SARDH: variants seen among roughly 807,000 people sequenced by gnomAD.
SARDH encodes the protein sarcosine dehydrogenase, mitochondrial.
Under a neutral mutation model 109.1 loss-of-function variants are expected in SARDH, and 95 were observed. The observed-to-expected ratio is 0.87, with a 90% confidence interval of 0.74 to 1.03. SARDH has a LOEUF of 1.03. SARDH is among the 50% of genes least tolerant of loss of function. The probability of loss-of-function intolerance (pLI) is 0.00; values close to 1 mark genes in which losing one functional copy is unlikely to be tolerated. For missense variants in SARDH, 1,267 were observed against 1,287.8 expected, an observed-to-expected ratio of 0.98 and a Z score of 0.25; for synonymous variants, 572 against 534.8, an observed-to-expected ratio of 1.07 and a Z score of -0.96.
In SARDH at chr9:133,671,600, G is replaced by A. The variant is rs766900566; in HGVS notation, c.2261C>T (p.Ala754Val). The change falls in exon 18 of 21, where the codon GCG becomes GTG. Residue 754 changes from alanine (A) to valine (V), a missense_variant. Coordinates refer to ENST00000439388, the MANE Select transcript of SARDH (RefSeq NM_001134707.2). ...CVPVYRAVMAAGAKHGLINAG... is the reference protein window; with the variant it reads ...CVPVYRAVMAVGAKHGLINAG... ...GTTGATGAGGCCGTGCTTGGCACCC[G>A]CGGCCATCACAGCCCGGTACACAGG... is the stretch of plus-strand genomic sequence containing the variant. 19 of 1,604,938 alleles carry A rather than the reference G, an allele frequency of 1.2e-5. No homozygotes were observed. Among genetic ancestry groups the A allele is most frequent in the South Asian group, 1.1e-4 (10 of 89,418 alleles).
At chr9:133,738,948 A>G (rs1050484826), upstream of SARDH, among the ~76,000 whole-genome samples, 8 of 152,216 alleles carry the variant, frequency 5.3e-5, no homozygotes, top group African/African-American at 1.9e-4. Context: ...TGGCTACTGC[A>G]CAGCACGTAG....
intron 17 of SARDH, among the ~76,000 whole-genome samples, chr9:133,676,896 T>C (rs1830531199): frequency 6.6e-6 from 1 of 152,148 alleles, no homozygotes; most frequent in Non-Finnish European, 1.5e-5. Flanking sequence ...CCCAGCACTT[T>C]GGGAGGCCGA....
chr9:133,664,021 G>C lies in SARDH; in HGVS notation c.2632-7C>G. On this transcript the variant is annotated splice_region_variant and splice_polypyrimidine_tract_variant and intron_variant, in intron 20 of 20. Coordinates refer to ENST00000439388, the MANE Select transcript of SARDH (RefSeq NM_001134707.2). ...TCACAAAGTCCAGCGAGACCTAGGAGCAGAGGTGGGGATGAGGATCACTCT... is the reference window on the plus strand; with the variant it reads ...TCACAAAGTCCAGCGAGACCTAGGACCAGAGGTGGGGATGAGGATCACTCT... The C allele has an allele frequency of 6.2e-7, 1 of 1,613,842 alleles. No homozygotes were observed. Among genetic ancestry groups the C allele is most frequent in the Non-Finnish European group, 8.5e-7 (1 of 1,179,848 alleles).
At chr9:133,717,652 T>A (rs566253250) in intron 7 of SARDH, among the ~76,000 whole-genome samples, 197 bp from the exon 8 acceptor site, 165 of 89,128 alleles carry the variant, frequency 1.9e-3, no homozygotes, top group South Asian at 4.4e-3. Context: ...CTGCTCCCCC[T>A]CCCCACCCCA....
intron 16 of SARDH, among the ~76,000 whole-genome samples, chr9:133,690,073 G>T (rs1831036628): frequency 6.6e-6 from 1 of 152,188 alleles, no homozygotes; most frequent in South Asian, 2.1e-4. Context: ...GCCTGGTTCT[G>T]CCCACTTTGG....
Position 133,712,874 on chromosome 9 carries a change from GGCACAGGT to G in SARDH, c.1237+156_1237+163del. ...TTGGACTGCTGCTGGACTGGACCCTGGCACAGGTGCACTCTCTGGGAAGCAGAAGGGGC... is the reference window on the plus strand; with the variant it reads ...TTGGACTGCTGCTGGACTGGACCCTGGCACTCTCTGGGAAGCAGAAGGGGC... On this transcript the variant is annotated intron_variant, in intron 9 of 20. Coordinates refer to ENST00000439388, the MANE Select transcript of SARDH (RefSeq NM_001134707.2). This position sits in a 1 kb window ranked among gnomAD's most constrained non-coding sequence, Gnocchi z 4.1. 1.1e-6 allele frequency: 1 copy of G among 926,894 alleles called. No individual in the cohort carries two copies. The allele number at this position is 926,894 out of a possible 1,614,324, so 57.4% of individuals were successfully genotyped here. A position where few individuals can be genotyped will look rare whatever the true frequency, so the allele number is the denominator to read the frequency against.
In SARDH at chr9:133,727,925, G is replaced by A. The variant is rs558394156; in HGVS notation, c.915+1840C>T. ...TGGAGCCACAGTCCTGGGCTCGGTG[G>A]ACATTCTGTGGCCACCCTCCCTGAC... On this transcript the variant is annotated intron_variant, in intron 6 of 20. Transcript: ENST00000439388. 9.9e-5 allele frequency among the ~76,000 whole-genome samples: 15 copies of A among 152,200 alleles called. No homozygotes were observed. The East Asian group carries it at 2.9e-3, about 29-fold the overall frequency.
intron 8 of SARDH, among the ~76,000 whole-genome samples, chr9:133,714,649 G>T (rs372377100): frequency 1.8e-4 from 28 of 152,324 alleles, no homozygotes; most frequent in African/African-American, 5.8e-4. Flanking sequence ...ATGTGGTGGA[G>T]CGAGCCTGTA....
Position 133,693,745 on chromosome 9 carries a change from C to A in SARDH, c.1921+513G>T, listed in dbSNP as rs1831183841. 6.6e-6 allele frequency among the ~76,000 whole-genome samples: 1 copy of A among 152,172 alleles called. No individual in the cohort carries two copies. Among genetic ancestry groups the A allele is most frequent in the Non-Finnish European group, 1.5e-5 (1 of 68,034 alleles). On this transcript the variant is annotated intron_variant, in intron 15 of 20. Coordinates refer to ENST00000439388, the MANE Select transcript of SARDH (RefSeq NM_001134707.2). The surrounding 1 kb of genome is among the most constrained non-coding windows in gnomAD (Gnocchi z 5.6). ...GCAAACAAGGGATGAAGGTACTGAGCTACCTGTCCCTGAGGGTATGCAAGC... is the reference window on the plus strand; with the variant it reads ...GCAAACAAGGGATGAAGGTACTGAGATACCTGTCCCTGAGGGTATGCAAGC...
In SARDH at chr9:133,703,033, G is replaced by A. The variant is rs1588424129; in HGVS notation, c.1555-4C>T. 2.5e-6 allele frequency: 4 copies of A among 1,611,674 alleles called. No individual in the cohort carries two copies. The highest frequency in any genetic ancestry group is 1.3e-5 in the African/African-American group (1 of 75,044). ...CGTAGTAGTCGTACTCGAGGACCTGGGAAGAAAAGACGTGGTCCTCAGCCT... is the reference window on the plus strand; with the variant it reads ...CGTAGTAGTCGTACTCGAGGACCTGAGAAGAAAAGACGTGGTCCTCAGCCT... On this transcript the variant is annotated splice_region_variant and splice_polypyrimidine_tract_variant and intron_variant, in intron 12 of 20. Transcript: ENST00000439388.
At position 133,702,685 on chromosome 9, in the gene SARDH, C is replaced by G. The variant is rs145256201; in HGVS notation, c.1668+231G>C. Among the ~76,000 whole-genome samples, 1,040 of 152,354 alleles carry G rather than the reference C, an allele frequency of 6.8e-3. 11 individuals are homozygous for G. Among genetic ancestry groups the G allele is most frequent in the African/African-American group, 0.023 (966 of 41,578 alleles). ...CCTCACCCCATCCCCAGCAGCACCA[C>G]TTCCGCTCAGGCCTGGCTGCTGGCA... On this transcript the variant is annotated intron_variant, in intron 13 of 20. Transcript: ENST00000439388.
At chr9:133,676,198 G>A (rs1250290456) in intron 17 of SARDH, among the ~76,000 whole-genome samples, 1 of 152,142 alleles carries the variant, frequency 6.6e-6, no homozygotes, top group Non-Finnish European at 1.5e-5. Context: ...AACTTCGGAT[G>A]CATAACACAA....
At chr9:133,715,345 CAG>C (rs1387534312) in intron 8 of SARDH, among the ~76,000 whole-genome samples, 2 of 152,176 alleles carry the variant, frequency 1.3e-5, no homozygotes, top group Non-Finnish European at 2.9e-5. Context: ...TAGAGAGAGA[CAG>C]AGAGACGCCT....
Position 133,666,883 on chromosome 9 carries a change from G to A in SARDH, c.2496-13C>T, listed in dbSNP as rs780032482. ...CATGGGTACTTTGCTGGAAGAAGCA[G>A]TAGAGAAAGCTGGGGCCCCAGAAAC... On this transcript the variant is annotated splice_polypyrimidine_tract_variant and intron_variant, in intron 19 of 20. Coordinates refer to ENST00000439388, the MANE Select transcript of SARDH (RefSeq NM_001134707.2). This position sits in a 1 kb window ranked among gnomAD's most constrained non-coding sequence, Gnocchi z 5.2. The A allele has an allele frequency of 1.9e-6, 3 of 1,612,242 alleles. No individual in the cohort carries two copies. Among genetic ancestry groups the A allele is most frequent in the Non-Finnish European group, 1.7e-6 (2 of 1,179,598 alleles).
In SARDH at chr9:133,730,105, T is replaced by A; in HGVS notation, c.773A>T (p.Gln258Leu). The A allele has an allele frequency of 1.2e-6, 2 of 1,614,188 alleles. No homozygotes were observed. The highest frequency in any genetic ancestry group is 1.7e-6 in the Non-Finnish European group (2 of 1,180,026). Residue 258 changes from glutamine (Q) to leucine (L), a missense_variant, in exon 5 of 21, where the codon CAG becomes CTG. Transcript: ENST00000439388. ...GCAGGGTGTCTGGATGGAACCATGC[T>A]GAGTCTCCACACCCGCGACCCGCCG... Reference protein sequence around the residue: ...GVRRVAGVETQHGSIQTPCVV... With the variant: ...GVRRVAGVETLHGSIQTPCVV...
intron 8 of SARDH, among the ~76,000 whole-genome samples, chr9:133,717,090 C>G (rs776784221): frequency 6.6e-6 from 1 of 152,190 alleles, no homozygotes; most frequent in Non-Finnish European, 1.5e-5. Flanking sequence ...GGAGGAGGCC[C>G]TGGCCTCGTG....
intron 8 of SARDH, among the ~76,000 whole-genome samples, chr9:133,715,972 C>A (rs201098256): frequency 1.3e-5 from 2 of 152,248 alleles, no homozygotes; most frequent in Admixed American, 6.5e-5. Context: ...AGCCCTGAAG[C>A]GGGGCCAGAG....
In SARDH at chr9:133,717,375, C is replaced by T; in HGVS notation, c.1101G>A (p.Arg367=). 6.2e-7 allele frequency: 1 copy of T among 1,614,174 alleles called. No homozygotes were observed. Among genetic ancestry groups the T allele is most frequent in the Non-Finnish European group, 8.5e-7 (1 of 1,180,020 alleles). The change falls in exon 8 of 21, where the codon AGG becomes AGA. Residue 367 remains arginine (R), a synonymous_variant. Transcript: ENST00000439388. Reference sequence around the variant, plus strand: ...TTCCTGTCTTCTCCAGCACGGGGACCCTGTTGATGGCGCCTTCAATGTGCT... The same window carrying T: ...TTCCTGTCTTCTCCAGCACGGGGACTCTGTTGATGGCGCCTTCAATGTGCT... ...FTQHIEGAIN[R]VPVLEKTGIK...
At chr9:133,703,172 T>A in intron 12 of SARDH, 143 bp from the exon 13 acceptor site, 1 of 700,608 alleles carries the variant, frequency 1.4e-6, no homozygotes, top group Non-Finnish European at 2.4e-6. Context: ...CCGTGTGTTG[T>A]GGACGCGGGC....
Sources: allele counts gnomAD v4.1 joint callset (sites outside exome capture counted in the v4.1 genomes callset), GRCh38; gene constraint gnomAD v4.1.1; non-coding constraint Gnocchi (gnomAD v3.1); transcripts MANE v1.5; gene names NCBI Gene and HGNC (gene_info 2026-07-23, HGNC 2026-07-21).